KCNN2: variants seen among roughly 807,000 people sequenced by gnomAD.
KCNN2 encodes the protein potassium calcium-activated channel subfamily N member 2, also known as small conductance calcium-activated potassium channel protein 2.
Under a neutral mutation model 55.5 loss-of-function variants are expected in KCNN2, and 24 were observed. That is an observed-to-expected ratio of 0.43 (90% CI 0.31 to 0.61). The LOEUF (loss-of-function observed/expected upper bound fraction) is 0.61. Among genes scored for constraint, KCNN2 ranks in the 20% least tolerant of loss-of-function variants. KCNN2 has a pLI of 0.08. For missense variants in KCNN2, 754 were observed against 853.6 expected (o/e 0.88, Z 1.45); for synonymous variants, 431 against 336.1 (o/e 1.28, Z -3.09).
intron 2 of KCNN2, among the ~76,000 whole-genome samples, chr5:114,235,040 T>A (rs1466702859): frequency 6.6e-6 from 1 of 152,190 alleles, no homozygotes; most frequent in East Asian, 1.9e-4. Context: ...ACATGAATAT[T>A]CTTTTGAAAG....
At chr5:114,371,233 T>A (rs1236543258) in intron 2 of KCNN2, among the ~76,000 whole-genome samples, 1 of 152,164 alleles carries the variant, frequency 6.6e-6, no homozygotes, top group Non-Finnish European at 1.5e-5. Flanking sequence ...TTATGCTGAT[T>A]GTATATGAGA....
At chr5:114,476,412 C>G (rs1481476271) in intron 5 of KCNN2, among the ~76,000 whole-genome samples, 2 of 151,602 alleles carry the variant, frequency 1.3e-5, no homozygotes, top group Non-Finnish European at 2.9e-5. Flanking sequence ...GAAATATACT[C>G]TAGTAGGCTT....
intron 1 of KCNN2, among the ~76,000 whole-genome samples, chr5:114,068,283 A>T (rs544622258): frequency 6.6e-6 from 1 of 152,318 alleles, no homozygotes; most frequent in Admixed American, 6.5e-5. Flanking sequence ...TCATAAACTC[A>T]TTTGCCCTGT....
At chr5:114,376,748 G>A (rs569967824) in intron 2 of KCNN2, among the ~76,000 whole-genome samples, 1 of 152,172 alleles carries the variant, frequency 6.6e-6, no homozygotes, top group Non-Finnish European at 1.5e-5. Flanking sequence ...TGTTACAAGT[G>A]TACTTTTCCT....
intron 1 of KCNN2, among the ~76,000 whole-genome samples, chr5:114,160,298 A>G (rs570506160): frequency 1.3e-5 from 2 of 152,142 alleles, no homozygotes; most frequent in African/African-American, 2.4e-5. Context: ...TTCAGTTTCC[A>G]TGTAGTTGAG....
At chr5:114,436,064 G>A (rs926248306) in intron 3 of KCNN2, among the ~76,000 whole-genome samples, 1 of 152,158 alleles carries the variant, frequency 6.6e-6, no homozygotes, top group African/African-American at 2.4e-5. Context: ...GCTCTGCAAA[G>A]CTGCATTTCA....
chr5:114,072,635 A>G (rs114477654), intron 1 of KCNN2, among the ~76,000 whole-genome samples: 2,353 of 152,256 alleles, frequency 0.015, 69 homozygotes, highest in African/African-American at 0.054. Context: ...TTATAGCAAC[A>G]CAGAACAGAC....
At chr5:114,116,095 G>T (rs896704058) in intron 1 of KCNN2, among the ~76,000 whole-genome samples, 5 of 152,114 alleles carry the variant, frequency 3.3e-5, no homozygotes, top group Non-Finnish European at 5.9e-5. Flanking sequence ...AGATGAGTCT[G>T]CTGGGTTCTT....
At chr5:114,261,731 G>T (rs1308348248) in intron 2 of KCNN2, among the ~76,000 whole-genome samples, 1 of 152,130 alleles carries the variant, frequency 6.6e-6, no homozygotes, top group Non-Finnish European at 1.5e-5. Context: ...GAAAGAATCT[G>T]CTCATTGTAC....
intron 3 of KCNN2, among the ~76,000 whole-genome samples, chr5:114,421,526 G>C (rs1759471318): frequency 6.6e-6 from 1 of 151,738 alleles, no homozygotes; most frequent in Admixed American, 6.6e-5. Flanking sequence ...CCTGACCTCA[G>C]GTGATCTACC....
intron 2 of KCNN2, among the ~76,000 whole-genome samples, chr5:114,269,776 T>C (rs545847842): frequency 1.3e-5 from 2 of 152,176 alleles, no homozygotes; most frequent in Non-Finnish European, 2.9e-5. Flanking sequence ...TGCAAACTAA[T>C]TTGATTGTTT....
intron 1 of KCNN2, among the ~76,000 whole-genome samples, chr5:114,184,158 G>A (rs533913337): frequency 7.6e-4 from 115 of 152,196 alleles, no homozygotes; most frequent in African/African-American, 2.6e-3. Flanking sequence ...TGTGAAAGGC[G>A]AAGAGCACAC....
intron 1 of KCNN2, among the ~76,000 whole-genome samples, chr5:114,191,921 T>C (rs868603608): frequency 6.6e-6 from 1 of 152,156 alleles, no homozygotes; most frequent in Non-Finnish European, 1.5e-5. Flanking sequence ...GGTTTATTAA[T>C]GTGGTAAGAA....
At chr5:114,149,467 A>AG (rs764618461) in intron 1 of KCNN2, among the ~76,000 whole-genome samples, 15 of 152,252 alleles carry the variant, frequency 9.9e-5, no homozygotes, top group South Asian at 4.2e-4. Context: ...AGCTGGGTCC[A>AG]GGGGGGTCAC....
intron 5 of KCNN2, among the ~76,000 whole-genome samples, chr5:114,477,401 A>T (rs1337921764): frequency 6.6e-6 from 1 of 152,210 alleles, no homozygotes; most frequent in Non-Finnish European, 1.5e-5. Flanking sequence ...ACATTAACCA[A>T]GTAAAATACT....
At chr5:114,313,004 C>T (rs1756435661) in intron 2 of KCNN2, among the ~76,000 whole-genome samples, 1 of 152,104 alleles carries the variant, frequency 6.6e-6, no homozygotes, top group South Asian at 2.1e-4. Context: ...TACCCTGCCT[C>T]TCTGGAACCT....
At chr5:114,240,956 T>C (rs1464887900) in intron 2 of KCNN2, among the ~76,000 whole-genome samples, 1 of 152,094 alleles carries the variant, frequency 6.6e-6, no homozygotes. Flanking sequence ...AGGAAATTGG[T>C]AAGATTGCTG....
chr5:114,196,317 G>T (rs1430964265), intron 1 of KCNN2, among the ~76,000 whole-genome samples: 1 of 151,752 alleles, frequency 6.6e-6, no homozygotes, highest in African/African-American at 2.4e-5. Context: ...AAGGGATATT[G>T]TTCTATACTT....
chr5:114,084,230 T>C (rs76747293), intron 1 of KCNN2, among the ~76,000 whole-genome samples: 2 of 152,234 alleles, frequency 1.3e-5, no homozygotes, highest in East Asian at 3.9e-4. Context: ...AGCATGACTA[T>C]GTTTAGCTTT....
Sources: gnomAD v4.1 joint callset for allele counts (sites outside exome capture counted in the v4.1 genomes callset) on GRCh38, gnomAD v4.1.1 for gene constraint, MANE v1.5 for transcripts, NCBI Gene and HGNC (gene_info 2026-07-23, HGNC 2026-07-21) for gene names.